ERBB4: variants seen among roughly 807,000 people sequenced by gnomAD.
The protein encoded by ERBB4 is receptor tyrosine-protein kinase erbB-4.
ERBB4 carries 42 observed loss-of-function variants against 158.0 expected under a neutral mutation model. The observed-to-expected ratio is 0.27, with a 90% CI of 0.21 to 0.34. ERBB4 has a LOEUF of 0.34. ERBB4 is among the 10% of genes least tolerant of loss of function. ERBB4 has a pLI of 1.00. For synonymous variants in ERBB4, 583 were observed against 558.7 expected, an observed-to-expected ratio of 1.04 and a Z score of -0.61; for missense variants, 1,333 against 1,624.1, an observed-to-expected ratio of 0.82 and a Z score of 3.08.
intron 18 of ERBB4, among the ~76,000 whole-genome samples, chr2:211,622,300 T>C (rs751833878): frequency 7.2e-5 from 11 of 152,138 alleles, no homozygotes; most frequent in Non-Finnish European, 1.5e-4. Context: ...ATTTGTTTCT[T>C]TGAACATATA....
chr2:212,006,110 C>T (rs1041925836), intron 2 of ERBB4, among the ~76,000 whole-genome samples: 2 of 152,112 alleles, frequency 1.3e-5, no homozygotes, highest in Non-Finnish European at 1.5e-5. Flanking sequence ...AAATGTTCAC[C>T]TAACCAATGC....
chr2:211,843,004 G>A (rs1399242953), intron 3 of ERBB4, among the ~76,000 whole-genome samples: 1 of 152,042 alleles, frequency 6.6e-6, no homozygotes, highest in Non-Finnish European at 1.5e-5. Flanking sequence ...ATCATTCAAT[G>A]GAATAGTTGA....
At chr2:212,536,333 G>A (rs1029863557) in intron 1 of ERBB4, among the ~76,000 whole-genome samples, 4 of 152,080 alleles carry the variant, frequency 2.6e-5, no homozygotes, top group Admixed American at 6.6e-5. Context: ...GATGAAAAAC[G>A]AAGTCCCCCG....
intron 1 of ERBB4, among the ~76,000 whole-genome samples, chr2:212,184,070 G>C (rs2081947772): frequency 6.6e-6 from 1 of 152,020 alleles, no homozygotes; most frequent in Non-Finnish European, 1.5e-5. Flanking sequence ...CTTTTCTCCT[G>C]CCTTAGGTCA....
intron 1 of ERBB4, among the ~76,000 whole-genome samples, chr2:212,526,574 TA>T (rs1427506558): frequency 6.6e-6 from 1 of 151,988 alleles, no homozygotes; most frequent in Non-Finnish European, 1.5e-5. Context: ...AACTGGGAAA[TA>T]TTATTAACTG....
intron 17 of ERBB4, among the ~76,000 whole-genome samples, chr2:211,628,976 A>G (rs1255380038): frequency 2.0e-5 from 3 of 152,122 alleles, no homozygotes; most frequent in Admixed American, 2.0e-4. Context: ...TTCTTTTGAG[A>G]AATGTCTGTT....
chr2:211,381,883 TTATA>T lies in ERBB4; in HGVS notation c.*1728_*1731del. ...GGTAGAATTTTCAGAAAAGGGCGAC[TTATA>T]TCTAAGTTTCCTAATTATTGATGTG... On this transcript the variant is annotated 3_prime_UTR_variant, in exon 28 of 28. Coordinates refer to ENST00000342788, the MANE Select transcript of ERBB4 (RefSeq NM_005235.3). The T allele has an allele frequency of 4.4e-6, 1 of 229,338 alleles. No individual in the cohort carries two copies. The allele number at this position is 229,338 out of a possible 1,614,324, so 14.2% of individuals were successfully genotyped here.
chr2:211,547,588 T>C (rs2066977004), intron 20 of ERBB4, among the ~76,000 whole-genome samples: 2 of 152,060 alleles, frequency 1.3e-5, no homozygotes, highest in South Asian at 4.1e-4. Context: ...ATAAACTAGA[T>C]ATGCCAGTCC....
At chr2:212,358,541 C>T (rs2106356622) in intron 1 of ERBB4, among the ~76,000 whole-genome samples, 1 of 151,704 alleles carries the variant, frequency 6.6e-6, no homozygotes, top group African/African-American at 2.4e-5. Context: ...GACATCTTAG[C>T]TAATTTATAA....
At chr2:212,225,954 G>T (rs1226766003) in intron 1 of ERBB4, among the ~76,000 whole-genome samples, 1 of 152,086 alleles carries the variant, frequency 6.6e-6, no homozygotes, top group Non-Finnish European at 1.5e-5. Context: ...CTGTTTGGAA[G>T]ATATTTTGCA....
At chr2:212,528,513 G>A (rs1692573050) in intron 1 of ERBB4, among the ~76,000 whole-genome samples, 1 of 152,136 alleles carries the variant, frequency 6.6e-6, no homozygotes, top group Non-Finnish European at 1.5e-5. Flanking sequence ...GGTCAGGAAA[G>A]TTCTAAAAGA....
chr2:212,040,139 T>C (rs1433980952), intron 2 of ERBB4, among the ~76,000 whole-genome samples: 1 of 151,818 alleles, frequency 6.6e-6, no homozygotes, highest in African/African-American at 2.4e-5. Flanking sequence ...GAGAATTCAA[T>C]GTTTCAATCA....
intron 3 of ERBB4, among the ~76,000 whole-genome samples, chr2:211,840,917 T>C (rs1220613591): frequency 6.6e-6 from 1 of 152,124 alleles, no homozygotes; most frequent in Non-Finnish European, 1.5e-5. Flanking sequence ...TGCCAAATGC[T>C]TTAGACTAAG....
rs138403768 is a variant in ERBB4 at position 212,418,665 on chromosome 2, T to C, written c.82+119784A>G. ...AAATACACTTTTTGAAAATGCTAATTTACTAACTTGAGAAATGCTTCTTAA... is the reference window on the plus strand; with the variant it reads ...AAATACACTTTTTGAAAATGCTAATCTACTAACTTGAGAAATGCTTCTTAA... On this transcript the variant is annotated intron_variant, in intron 1 of 27. Transcript: ENST00000342788. Among the ~76,000 whole-genome samples, 521 of 151,832 alleles carry C rather than the reference T, an allele frequency of 3.4e-3. 5 individuals are homozygous for C. The highest frequency in any genetic ancestry group is 0.012 in the African/African-American group (485 of 41,486).
intron 20 of ERBB4, chr2:211,561,651 C>T: frequency 2.0e-6 from 1 of 490,302 alleles, no homozygotes; most frequent in Non-Finnish European, 3.7e-6. Context: ...CTCCCCCTGA[C>T]TACCAAGCTA....
intron 1 of ERBB4, among the ~76,000 whole-genome samples, chr2:212,137,649 C>T (rs1025661082): frequency 1.3e-5 from 2 of 152,124 alleles, no homozygotes; most frequent in Non-Finnish European, 2.9e-5. Context: ...GTGCATGTGT[C>T]TTTATAACAG....
chr2:212,524,887 T>C (rs569613758), intron 1 of ERBB4, among the ~76,000 whole-genome samples: 1 of 152,050 alleles, frequency 6.6e-6, no homozygotes, highest in African/African-American at 2.4e-5. Flanking sequence ...GTGACCGTAA[T>C]GTCAAAGGCA....
intron 3 of ERBB4, among the ~76,000 whole-genome samples, chr2:211,811,970 C>T (rs2076766691): frequency 6.6e-6 from 1 of 152,266 alleles, no homozygotes; most frequent in South Asian, 2.1e-4. Context: ...TGGGTTCAAA[C>T]ATCCTCCTTT....
chr2:211,618,030 C>G (rs924417490), intron 19 of ERBB4, among the ~76,000 whole-genome samples: 6 of 151,930 alleles, frequency 3.9e-5, no homozygotes, highest in Non-Finnish European at 8.8e-5. Flanking sequence ...ACAATTTTTG[C>G]TAGGGGAAAT....
Sources: allele counts gnomAD v4.1 joint callset (sites outside exome capture counted in the v4.1 genomes callset), GRCh38; gene constraint gnomAD v4.1.1; transcripts MANE v1.5; gene names NCBI Gene and HGNC (gene_info 2026-07-23, HGNC 2026-07-21).